SPOCK1: variants seen among roughly 807,000 people sequenced by gnomAD.
SPOCK1 encodes the protein SPARC (osteonectin), cwcv and kazal like domains proteoglycan 1.
Under a neutral mutation model 55.3 loss-of-function variants are expected in SPOCK1, and 23 were observed. The observed-to-expected ratio is 0.42, with a 90% CI of 0.30 to 0.59. SPOCK1 has a LOEUF of 0.59. Among genes scored for constraint, SPOCK1 ranks in the 20% least tolerant of loss-of-function variants. SPOCK1 has a pLI of 0.22. For synonymous variants in SPOCK1, 226 were observed against 221.0 expected, an observed-to-expected ratio of 1.02 and a Z score of -0.20; for missense variants, 499 against 552.5, an observed-to-expected ratio of 0.90 and a Z score of 0.97.
intron 3 of SPOCK1, among the ~76,000 whole-genome samples, chr5:137,221,047 G>A (rs1346016594): frequency 1.3e-5 from 2 of 152,176 alleles, no homozygotes; most frequent in African/African-American, 4.8e-5. Flanking sequence ...TTAAATAGGT[G>A]TGTCTCACTT....
chr5:137,403,697 A>T (rs964986630), intron 2 of SPOCK1, among the ~76,000 whole-genome samples: 9 of 151,788 alleles, frequency 5.9e-5, no homozygotes, highest in Non-Finnish European at 1.0e-4. Flanking sequence ...TCCAGGCAGC[A>T]CGGGCACAGG....
chr5:137,028,575 G>A (rs1751719682), intron 6 of SPOCK1, among the ~76,000 whole-genome samples: 1 of 152,104 alleles, frequency 6.6e-6, no homozygotes, highest in East Asian at 1.9e-4. Context: ...CCAGATCACT[G>A]CTTAAGGTAG....
In SPOCK1 at chr5:137,121,275, A is replaced by C. The variant is rs548691996; in HGVS notation, c.348-8714T>G. Among the ~76,000 whole-genome samples, 5 of 152,270 alleles carry C rather than the reference A, an allele frequency of 3.3e-5. No homozygotes were observed. The East Asian group carries it at 9.6e-4, about 29-fold the overall frequency. On this transcript the variant is annotated intron_variant, in intron 4 of 10. Transcript: ENST00000394945. Reference sequence around the variant, plus strand: ...ATTTATTCAGAAAAGATGTTACCTTAACTGTTTTTGCTCTTATTCTTATTT... The same window carrying C: ...ATTTATTCAGAAAAGATGTTACCTTCACTGTTTTTGCTCTTATTCTTATTT...
chr5:137,355,857 G>A (rs998333327), intron 2 of SPOCK1, among the ~76,000 whole-genome samples: 1 of 152,120 alleles, frequency 6.6e-6, no homozygotes, highest in Non-Finnish European at 1.5e-5. Context: ...GAAGGCTCAG[G>A]CAGCAGCTGC....
At position 137,380,890 on chromosome 5, in the gene SPOCK1, T is replaced by C. The variant is rs7708339; in HGVS notation, c.187-113835A>G. ...GCCCTGCAATACAACCCAAGCTACA[T>C]TGCAAAATACAATTATCCCTTCTAA... On this transcript the variant is annotated intron_variant, in intron 2 of 10. Coordinates refer to ENST00000394945, the MANE Select transcript of SPOCK1 (RefSeq NM_004598.4). 2.2e-3 allele frequency among the ~76,000 whole-genome samples: 330 copies of C among 152,248 alleles called. 1 individual carries two copies. The highest frequency in any genetic ancestry group is 7.8e-3 in the African/African-American group (324 of 41,542).
At chr5:137,350,768 C>A (rs1039522342) in intron 2 of SPOCK1, among the ~76,000 whole-genome samples, 36 of 151,820 alleles carry the variant, frequency 2.4e-4, no homozygotes, top group Non-Finnish European at 4.4e-5. Flanking sequence ...AGCCCTTCTT[C>A]AAAAAGCAGG....
At chr5:137,240,987 G>A (rs1402878395) in intron 3 of SPOCK1, among the ~76,000 whole-genome samples, 7 of 152,172 alleles carry the variant, frequency 4.6e-5, no homozygotes, top group South Asian at 2.1e-4. Flanking sequence ...TATTCAACTA[G>A]TGACACAAGG....
intron 5 of SPOCK1, among the ~76,000 whole-genome samples, chr5:137,090,073 A>G (rs1753026621): frequency 1.3e-5 from 2 of 152,206 alleles, no homozygotes; most frequent in South Asian, 2.1e-4. Flanking sequence ...GAGATACGGA[A>G]TCAACTTGGA....
intron 4 of SPOCK1, among the ~76,000 whole-genome samples, chr5:137,131,327 C>G (rs1256829594): frequency 6.6e-6 from 1 of 152,168 alleles, no homozygotes; most frequent in Non-Finnish European, 1.5e-5. Context: ...AAGATTATAT[C>G]GGCCAGGCGT....
chr5:137,202,404 C>T (rs1755443868), intron 3 of SPOCK1, among the ~76,000 whole-genome samples: 1 of 152,186 alleles, frequency 6.6e-6, no homozygotes, highest in Admixed American at 6.5e-5. Context: ...TTTCATGCAA[C>T]ATGACAAACC....
intron 2 of SPOCK1, among the ~76,000 whole-genome samples, chr5:137,267,379 G>T (rs1311991259): frequency 1.3e-5 from 2 of 152,196 alleles, no homozygotes; most frequent in Non-Finnish European, 2.9e-5. Flanking sequence ...CAATTATACT[G>T]TAGGTGATGC....
At chr5:137,006,765 T>C (rs1430537741) in intron 6 of SPOCK1, among the ~76,000 whole-genome samples, 5 of 152,230 alleles carry the variant, frequency 3.3e-5, no homozygotes, top group Non-Finnish European at 5.9e-5. Flanking sequence ...AGGGCATCCT[T>C]GTCTTGTGCC....
intron 2 of SPOCK1, among the ~76,000 whole-genome samples, chr5:137,347,587 G>A (rs1367051172): frequency 1.3e-5 from 2 of 152,142 alleles, no homozygotes; most frequent in Admixed American, 1.3e-4. Flanking sequence ...CGGGTGTGGT[G>A]GCACGGGCCT....
At chr5:137,326,688 G>T (rs73296863) in intron 2 of SPOCK1, among the ~76,000 whole-genome samples, 3,982 of 152,282 alleles carry the variant, frequency 0.026, 187 homozygotes, top group African/African-American at 0.091. Context: ...ATTAGAATGT[G>T]CCAAGATCTT....
chr5:137,176,017 C>T (rs570258162), intron 3 of SPOCK1, among the ~76,000 whole-genome samples: 2 of 152,274 alleles, frequency 1.3e-5, no homozygotes, highest in South Asian at 4.1e-4. Flanking sequence ...AACTCTAATG[C>T]TACAGAAAGA....
chr5:137,113,232 G>A (rs975834669), intron 4 of SPOCK1, among the ~76,000 whole-genome samples: 8 of 151,968 alleles, frequency 5.3e-5, no homozygotes, highest in Non-Finnish European at 1.2e-4. Context: ...GATAAATGTC[G>A]CTATTAGGAT....
chr5:137,477,777 G>C (rs1448750346), intron 2 of SPOCK1, among the ~76,000 whole-genome samples: 2 of 152,170 alleles, frequency 1.3e-5, no homozygotes, highest in Admixed American at 1.3e-4. Context: ...GACAGCACCT[G>C]AAGCTAAGGA....
At chr5:137,310,433 G>T in intron 2 of SPOCK1, among the ~76,000 whole-genome samples, 1 of 152,190 alleles carries the variant, frequency 6.6e-6, no homozygotes, top group Admixed American at 6.5e-5. Flanking sequence ...TGAGTTATTA[G>T]CTATAAGAAG....
intron 2 of SPOCK1, among the ~76,000 whole-genome samples, chr5:137,270,165 G>C (rs970217866): frequency 6.6e-6 from 1 of 152,098 alleles, no homozygotes; most frequent in African/African-American, 2.4e-5. Flanking sequence ...ATAAAGTTAT[G>C]GCTTGTTAAA....
Sources: gnomAD v4.1 joint callset for allele counts (sites outside exome capture counted in the v4.1 genomes callset) on GRCh38, gnomAD v4.1.1 for gene constraint, MANE v1.5 for transcripts, NCBI Gene and HGNC (gene_info 2026-07-23, HGNC 2026-07-21) for gene names.